Variants in GRID1 observed in about 807,000 individuals in gnomAD.
The protein encoded by GRID1 is glutamate ionotropic receptor delta type subunit 1.
In GRID1, 28 loss-of-function variants were observed where a neutral mutation model predicts 98.0. The observed-to-expected ratio is 0.29, with a 90% CI of 0.21 to 0.39. The LOEUF (loss-of-function observed/expected upper bound fraction) is 0.39. GRID1 is among the 10% of genes least tolerant of loss of function. GRID1 has a pLI of 1.00. For missense variants in GRID1, 1,111 were observed against 1,340.5 expected (o/e 0.83, Z 2.67); for synonymous variants, 553 against 538.5 (o/e 1.03, Z -0.37).
At chr10:86,124,196 A>T (rs1844718370) in intron 4 of GRID1, among the ~76,000 whole-genome samples, 1 of 152,188 alleles carries the variant, frequency 6.6e-6, no homozygotes. Flanking sequence ...TTTCCAGATC[A>T]TGCTGCTCAC....
At chr10:85,665,409 A>C (rs1035869923) in intron 12 of GRID1, among the ~76,000 whole-genome samples, 2 of 152,192 alleles carry the variant, frequency 1.3e-5, no homozygotes, top group African/African-American at 4.8e-5. Context: ...CCTAATTCTT[A>C]TTATATTAAT....
chr10:86,150,601 G>A (rs1013530662), intron 3 of GRID1, among the ~76,000 whole-genome samples: 4 of 152,186 alleles, frequency 2.6e-5, no homozygotes, highest in African/African-American at 9.7e-5. Flanking sequence ...TCCATGGTAT[G>A]GCCAAACCAA....
chr10:85,900,736 T>C (rs1462635491), intron 5 of GRID1, among the ~76,000 whole-genome samples: 1 of 152,208 alleles, frequency 6.6e-6, no homozygotes, highest in Non-Finnish European at 1.5e-5. Flanking sequence ...TCCATGACAC[T>C]CTAAGCTCTC....
chr10:85,728,159 C>A, intron 9 of GRID1, 107 bp from the exon 10 acceptor site: 1 of 851,984 alleles, frequency 1.2e-6, no homozygotes. Context: ...TTGCAGTTCC[C>A]CAATTTAGGA....
chr10:85,887,368 C>A (rs539832936), intron 5 of GRID1, among the ~76,000 whole-genome samples: 8 of 152,252 alleles, frequency 5.3e-5, no homozygotes, highest in African/African-American at 1.4e-4. Flanking sequence ...ATTAGCTGCC[C>A]CCTAAAAACT....
In GRID1 at chr10:86,206,122, A is replaced by G. The variant is rs1426719855; in HGVS notation, c.520+242T>C. Reference sequence around the variant, plus strand: ...TATTAATATTTTATTGAAACCTCTAAGATGATTCAAACTTCAGCCGTCATG... The same window carrying G: ...TATTAATATTTTATTGAAACCTCTAGGATGATTCAAACTTCAGCCGTCATG... On this transcript the variant is annotated intron_variant, in intron 3 of 15. Transcript: ENST00000327946. The surrounding 1 kb of genome is among the most constrained non-coding windows in gnomAD (Gnocchi z 4.1). 6.6e-6 allele frequency among the ~76,000 whole-genome samples: 1 copy of G among 152,202 alleles called. No homozygotes were observed. Among genetic ancestry groups the G allele is most frequent in the African/African-American group, 2.4e-5 (1 of 41,436 alleles).
intron 4 of GRID1, chr10:86,052,487 T>C (rs1198772274): frequency 2.0e-5 from 3 of 152,184 alleles, no homozygotes; most frequent in African/African-American, 7.2e-5. Flanking sequence ...TTGTCTCCTC[T>C]AATCTTGGAA....
intron 2 of GRID1, among the ~76,000 whole-genome samples, chr10:86,340,076 T>G (rs138807614): frequency 7.5e-4 from 112 of 149,728 alleles, no homozygotes; most frequent in Non-Finnish European, 1.3e-3. Flanking sequence ...GAGGGGAGAG[T>G]GAGCCTCACA....
intron 8 of GRID1, among the ~76,000 whole-genome samples, chr10:85,803,917 A>G (rs1842599073): frequency 6.6e-6 from 1 of 151,976 alleles, no homozygotes; most frequent in Non-Finnish European, 1.5e-5. Context: ...AAAAAGTTAT[A>G]GTTCTGAATA....
chr10:85,986,028 C>G (rs572970628), intron 4 of GRID1, among the ~76,000 whole-genome samples: 1 of 152,242 alleles, frequency 6.6e-6, no homozygotes, highest in Non-Finnish European at 1.5e-5. Flanking sequence ...AAGTTGGAGG[C>G]TAAATGCCTG....
chr10:86,348,308 GAT>G (rs1848416113), intron 2 of GRID1, among the ~76,000 whole-genome samples: 2 of 152,242 alleles, frequency 1.3e-5, no homozygotes, highest in Admixed American at 6.5e-5. Flanking sequence ...AGACACCAAA[GAT>G]ACAATGAATG....
At chr10:85,964,557 A>G (rs1262901303) in intron 4 of GRID1, among the ~76,000 whole-genome samples, 1 of 152,232 alleles carries the variant, frequency 6.6e-6, no homozygotes, top group Non-Finnish European at 1.5e-5. Flanking sequence ...TCACTATTTA[A>G]TAAATGGTGT....
rs147793494 is a variant in GRID1 at position 86,187,181 on chromosome 10, G to A, written c.520+19183C>T. ...CTCTTTTGCCACTTGCTGTCTCTGC[G>A]ACCTCAGAAAAATTACTTCACCTCC... is the stretch of plus-strand genomic sequence containing the variant. On this transcript the variant is annotated intron_variant, in intron 3 of 15. Transcript: ENST00000327946. 2.4e-3 allele frequency among the ~76,000 whole-genome samples: 360 copies of A among 152,232 alleles called. 1 individual carries two copies. Among genetic ancestry groups the A allele is most frequent in the Non-Finnish European group, 4.0e-3 (275 of 68,016 alleles).
intron 8 of GRID1, among the ~76,000 whole-genome samples, chr10:85,771,116 C>G (rs958939582): frequency 2.0e-5 from 3 of 152,320 alleles, no homozygotes; most frequent in East Asian, 1.9e-4. Flanking sequence ...AGACTAACAT[C>G]GGATCTCTCG....
chr10:85,952,214 GT>G, intron 4 of GRID1, among the ~76,000 whole-genome samples: 1 of 152,200 alleles, frequency 6.6e-6, no homozygotes, highest in Non-Finnish European at 1.5e-5. Flanking sequence ...ATTGAACAGA[GT>G]TAATAATTTT....
Position 85,602,240 on chromosome 10 carries a change from G to C in GRID1, c.*33C>G. On this transcript the variant is annotated 3_prime_UTR_variant, in exon 16 of 16. Coordinates refer to ENST00000327946, the MANE Select transcript of GRID1 (RefSeq NM_017551.3). ...TTAAAAAGCTCTGCTGGTCGGGTGG[G>C]TGGGAGGGTGGGCAGGAGGGCAGGC... 1 of 1,265,574 alleles carries C rather than the reference G, an allele frequency of 7.9e-7. No homozygotes were observed. The highest frequency in any genetic ancestry group is 1.1e-6 in the Non-Finnish European group (1 of 938,786). 78.4% of individuals were successfully genotyped at this position (1,265,574 alleles called of 1,614,324 possible). A position where few individuals can be genotyped will look rare whatever the true frequency, so the allele number is the denominator to read the frequency against.
intron 14 of GRID1, among the ~76,000 whole-genome samples, chr10:85,618,146 T>C (rs1297408293): frequency 6.6e-6 from 1 of 152,210 alleles, no homozygotes; most frequent in Non-Finnish European, 1.5e-5. Context: ...GTCTGCTGCC[T>C]CTTCTCTCCA....
At chr10:86,327,535 G>A (rs1848070616) in intron 2 of GRID1, among the ~76,000 whole-genome samples, 2 of 152,140 alleles carry the variant, frequency 1.3e-5, no homozygotes, top group African/African-American at 4.8e-5. Context: ...TTATCACTGA[G>A]CTCATTAAAT....
At chr10:86,213,862 A>G (rs1846140717) in intron 2 of GRID1, among the ~76,000 whole-genome samples, 1 of 152,248 alleles carries the variant, frequency 6.6e-6, no homozygotes, top group African/African-American at 2.4e-5. Context: ...CAAACTCAGT[A>G]AAGTGGTGTC....
Sources: gnomAD v4.1 joint callset for allele counts (sites outside exome capture counted in the v4.1 genomes callset) on GRCh38, gnomAD v4.1.1 for gene constraint, Gnocchi (gnomAD v3.1) non-coding constraint, MANE v1.5 for transcripts, NCBI Gene and HGNC (gene_info 2026-07-23, HGNC 2026-07-21) for gene names.